DLGAP2: variants seen among roughly 807,000 people sequenced by gnomAD.
DLGAP2 encodes DLG associated protein 2.
In DLGAP2, 26 loss-of-function variants were observed where a neutral mutation model predicts 100.3. The ratio of observed to expected loss-of-function variants is 0.26; its 90% CI spans 0.19 to 0.36. The LOEUF is 0.36. Among genes scored for constraint, DLGAP2 ranks in the 10% least tolerant of loss-of-function variants. DLGAP2 has a pLI of 1.00. For synonymous variants in DLGAP2, 886 were observed against 630.1 expected, an observed-to-expected ratio of 1.41 and a Z score of -6.08; for missense variants, 1,858 against 1,453.2, an observed-to-expected ratio of 1.28 and a Z score of -4.53.
chr8:1,212,667 C>A (rs1235288978), intron 2 of DLGAP2, among the ~76,000 whole-genome samples: 1 of 152,000 alleles, frequency 6.6e-6, no homozygotes, highest in Non-Finnish European at 1.5e-5. Flanking sequence ...AGGACTGTTG[C>A]CAGCAAATGA....
Position 1,549,497 on chromosome 8 carries a change from C to T in DLGAP2, c.1044C>T (p.Asp348=), listed in dbSNP as rs369487012. The T allele has an allele frequency of 5.9e-5, 96 of 1,613,550 alleles. No homozygotes were observed. In the African/African-American group the frequency reaches 1.2e-3, roughly 20 times the overall value. The change falls in exon 5 of 15, where the codon GAC becomes GAT. Residue 348 remains aspartate (D), a synonymous_variant. Coordinates refer to ENST00000637795, the MANE Select transcript of DLGAP2 (RefSeq NM_001346810.2). ...TCAAGACCTCCAAGAGCAACAACGA[C>T]GTCAAGTGCTCGGCCTGTGAGGGGT... is the stretch of plus-strand genomic sequence containing the variant. ...LSLKTSKSNN[D]VKCSACEGLA...
chr8:1,650,650 CAAG>C (rs918764230), intron 8 of DLGAP2, among the ~76,000 whole-genome samples: 5 of 152,162 alleles, frequency 3.3e-5, no homozygotes, highest in Non-Finnish European at 5.9e-5. Flanking sequence ...ATTTCTTGAC[CAAG>C]AAGACAGAAG....
At chr8:1,681,797 T>G (rs1017818715) in intron 12 of DLGAP2, among the ~76,000 whole-genome samples, 5 of 152,212 alleles carry the variant, frequency 3.3e-5, no homozygotes, top group Non-Finnish European at 1.5e-5. Context: ...AAACTGGGGC[T>G]CTGAGAGATT....
intron 3 of DLGAP2, among the ~76,000 whole-genome samples, chr8:1,392,920 C>G (rs1437530518): frequency 1.5e-5 from 2 of 131,840 alleles, no homozygotes; most frequent in Non-Finnish European, 3.2e-5. Flanking sequence ...CTCTGTGACT[C>G]TTTTTTTACA....
intron 3 of DLGAP2, among the ~76,000 whole-genome samples, chr8:1,269,053 A>G (rs1013575011): frequency 1.3e-5 from 2 of 152,180 alleles, no homozygotes; most frequent in Non-Finnish European, 1.5e-5. Flanking sequence ...ATGAACCAAT[A>G]GGGCATACAG....
At chr8:857,154 T>G (rs1413183912) in intron 1 of DLGAP2, among the ~76,000 whole-genome samples, 2 of 152,182 alleles carry the variant, frequency 1.3e-5, no homozygotes, top group African/African-American at 4.8e-5. Flanking sequence ...TGTGGAGCAA[T>G]GGGACCTCCA....
At chr8:1,143,674 C>G (rs1463560664) in intron 2 of DLGAP2, among the ~76,000 whole-genome samples, 2 of 152,208 alleles carry the variant, frequency 1.3e-5, no homozygotes, top group Non-Finnish European at 2.9e-5. Context: ...ACGCTCCCCA[C>G]TATTTGGCCC....
At chr8:1,589,601 A>ATTTTTG (rs1215092632) in intron 6 of DLGAP2, among the ~76,000 whole-genome samples, 5 of 152,086 alleles carry the variant, frequency 3.3e-5, no homozygotes, top group Admixed American at 6.6e-5. Context: ...TGCCCAGCTA[A>ATTTTTG]TTTTTGTTTT....
intron 2 of DLGAP2, among the ~76,000 whole-genome samples, chr8:1,205,366 C>T (rs976857907): frequency 7.2e-5 from 11 of 151,952 alleles, no homozygotes; most frequent in Admixed American, 2.6e-4. Context: ...AGGAAGGGTC[C>T]AGAAGTGCAG....
Position 1,702,630 on chromosome 8 carries a change from T to A in DLGAP2, c.*1224T>A, listed in dbSNP as rs2977176. 29,417 of 152,000 alleles carry A rather than the reference T, an allele frequency of 0.19. 3,004 individuals are homozygous for A. The highest frequency in any genetic ancestry group is 0.36 in the East Asian group (1,840 of 5,110). 9.4% of individuals were successfully genotyped at this position (152,000 alleles called of 1,614,324 possible). The stretch of plus-strand genomic sequence containing the variant: ...CCAGCTGTAGCATTCAAAAAAAAAA[T>A]TGGTGTTCATGACTCTGTGGTCGGT... On this transcript the variant is annotated 3_prime_UTR_variant, in exon 15 of 15. Coordinates refer to ENST00000637795, the MANE Select transcript of DLGAP2 (RefSeq NM_001346810.2).
At chr8:1,214,234 A>G (rs370201223) in intron 2 of DLGAP2, among the ~76,000 whole-genome samples, 1 of 152,144 alleles carries the variant, frequency 6.6e-6, no homozygotes, top group East Asian at 1.9e-4. Flanking sequence ...GCCCCTCCTC[A>G]GCAAGTCCTC....
At chr8:893,903 C>T (rs778237333) in intron 1 of DLGAP2, among the ~76,000 whole-genome samples, 1 of 152,208 alleles carries the variant, frequency 6.6e-6, no homozygotes, top group South Asian at 2.1e-4. Context: ...TGCAGAGGTT[C>T]CCATGGTTAC....
intron 3 of DLGAP2, among the ~76,000 whole-genome samples, chr8:1,373,522 G>A (rs1196112280): frequency 6.6e-6 from 1 of 152,242 alleles, no homozygotes; most frequent in Non-Finnish European, 1.5e-5. Context: ...AGAGGGCAGT[G>A]GGCAATTGTT....
At chr8:758,078 A>G (rs1031407787) in intron 1 of DLGAP2, among the ~76,000 whole-genome samples, 7 of 152,206 alleles carry the variant, frequency 4.6e-5, no homozygotes, top group African/African-American at 1.7e-4. Flanking sequence ...ACCACTTACC[A>G]TATGTGGCTG....
At position 1,422,795 on chromosome 8, in the gene DLGAP2, A is replaced by G. The variant is rs935476832; in HGVS notation, c.107-78571A>G. On this transcript the variant is annotated intron_variant, in intron 3 of 14. Transcript: ENST00000637795. ...CGTTAGCAGGGGAAAGGCTGAGGGC[A>G]TGGGAGTGTTTCATCCACAAGCAGT... is the stretch of plus-strand genomic sequence containing the variant. Among the ~76,000 whole-genome samples the G allele has an allele frequency of 7.2e-5, 11 of 152,228 alleles. No homozygotes were observed. The East Asian group carries it at 1.6e-3, about 21-fold the overall frequency.
chr8:828,422 G>A (rs1563052883), intron 1 of DLGAP2, among the ~76,000 whole-genome samples: 1 of 152,176 alleles, frequency 6.6e-6, no homozygotes, highest in Non-Finnish European at 1.5e-5. Context: ...TCTCCCATTT[G>A]CTTTTGAAAG....
chr8:1,001,571 A>G (rs764313072), intron 2 of DLGAP2, among the ~76,000 whole-genome samples: 2 of 152,202 alleles, frequency 1.3e-5, no homozygotes, highest in Non-Finnish European at 2.9e-5. Flanking sequence ...AGTTACGGAG[A>G]AATGATTGGA....
intron 2 of DLGAP2, among the ~76,000 whole-genome samples, chr8:1,054,861 A>G (rs1178795007): frequency 6.6e-6 from 1 of 152,268 alleles, no homozygotes; most frequent in African/African-American, 2.4e-5. Context: ...ATTTTTTATT[A>G]TCAACTGTTT....
At chr8:1,419,175 G>A (rs530224521) in intron 3 of DLGAP2, among the ~76,000 whole-genome samples, 65 of 150,330 alleles carry the variant, frequency 4.3e-4, no homozygotes, top group African/African-American at 1.6e-3. Flanking sequence ...GTACATGTTT[G>A]TGGGATACTG....
Sources: gnomAD v4.1 joint callset for allele counts (sites outside exome capture counted in the v4.1 genomes callset) on GRCh38, gnomAD v4.1.1 for gene constraint, MANE v1.5 for transcripts, NCBI Gene and HGNC (gene_info 2026-07-23, HGNC 2026-07-21) for gene names.